PDE11A: variants seen among roughly 807,000 people sequenced by gnomAD.
PDE11A encodes phosphodiesterase 11A.
A neutral mutation model predicts 100.5 loss-of-function variants in PDE11A; 100 were observed. The ratio of observed to expected loss-of-function variants is 1.00; its 90% confidence interval spans 0.85 to 1.18. The LOEUF is 1.18. Ranked by LOEUF, PDE11A falls within the 50% of genes most tolerant of loss-of-function variation. PDE11A has a pLI of 0.00. For synonymous variants in PDE11A, 381 were observed against 420.8 expected, an observed-to-expected ratio of 0.91 and a Z score of 1.16; for missense variants, 1,141 against 1,152.6, an observed-to-expected ratio of 0.99 and a Z score of 0.15.
chr2:177,864,937 A>G (rs1267993519), intron 5 of PDE11A, among the ~76,000 whole-genome samples: 3 of 152,142 alleles, frequency 2.0e-5, no homozygotes, highest in South Asian at 2.1e-4. Context: ...TTAGGCTTAG[A>G]ATTCTGAGCC....
chr2:177,805,682 G>A (rs1353878597), intron 9 of PDE11A, among the ~76,000 whole-genome samples: 2 of 152,080 alleles, frequency 1.3e-5, no homozygotes, highest in Non-Finnish European at 2.9e-5. Context: ...CTAAAAATAT[G>A]TTTATATTCC....
intron 9 of PDE11A, among the ~76,000 whole-genome samples, chr2:177,796,783 G>T (rs905354738): frequency 7.9e-5 from 12 of 152,130 alleles, no homozygotes; most frequent in Non-Finnish European, 1.5e-4. Context: ...GCAGGCAAAG[G>T]CATGGCTGTT....
chr2:177,654,145 T>A (rs980721574), intron 19 of PDE11A, among the ~76,000 whole-genome samples: 1 of 152,344 alleles, frequency 6.6e-6, no homozygotes, highest in East Asian at 1.9e-4. Flanking sequence ...TTCAGAATTA[T>A]CTCTATTAGG....
chr2:177,873,292 G>C (rs2084173099), intron 5 of PDE11A, among the ~76,000 whole-genome samples: 2 of 152,084 alleles, frequency 1.3e-5, no homozygotes, highest in Non-Finnish European at 2.9e-5. Flanking sequence ...TAACTTATAT[G>C]AGGTCATGAA....
At chr2:177,977,771 C>A (rs2085828984) in intron 2 of PDE11A, among the ~76,000 whole-genome samples, 1 of 146,752 alleles carries the variant, frequency 6.8e-6, no homozygotes, top group Non-Finnish European at 1.5e-5. Flanking sequence ...AATAATGCCG[C>A]ATATCTACAA....
At chr2:178,027,024 T>A (rs532049838) in intron 1 of PDE11A, among the ~76,000 whole-genome samples, 1 of 152,298 alleles carries the variant, frequency 6.6e-6, no homozygotes, top group South Asian at 2.1e-4. Flanking sequence ...GTATTAATCA[T>A]TTAAGATGCC....
rs1231114030 is a variant in PDE11A at position 177,989,387 on chromosome 2, C to T, written c.1071+24915G>A. Reference sequence around the variant, plus strand: ...CCCAGAGTCAAATCTTTCTATCATACTCAGAGGCGAGCTACAAATAAGAAA... The same window carrying T: ...CCCAGAGTCAAATCTTTCTATCATATTCAGAGGCGAGCTACAAATAAGAAA... On this transcript the variant is annotated intron_variant, in intron 2 of 19. Transcript: ENST00000286063. 2.6e-5 allele frequency among the ~76,000 whole-genome samples: 4 copies of T among 152,186 alleles called. No homozygotes were observed. In the East Asian group the frequency reaches 7.7e-4, roughly 29 times the overall value.
intron 19 of PDE11A, among the ~76,000 whole-genome samples, chr2:177,640,256 C>T (rs1043060499): frequency 8.5e-5 from 13 of 152,150 alleles, no homozygotes; most frequent in African/African-American, 2.7e-4. Context: ...TTTGAGGCAG[C>T]GTATTCCTGT....
chr2:177,806,936 A>C (rs1017171621), intron 9 of PDE11A, among the ~76,000 whole-genome samples: 2 of 152,134 alleles, frequency 1.3e-5, no homozygotes, highest in African/African-American at 4.8e-5. Context: ...GGCCAATATC[A>C]TTTGATTCAA....
chr2:177,690,201 A>G (rs544027060), intron 15 of PDE11A, among the ~76,000 whole-genome samples: 129 of 152,362 alleles, frequency 8.5e-4, no homozygotes, highest in African/African-American at 3.0e-3. Context: ...TCCTCCATCA[A>G]CCTACTACAG....
intron 2 of PDE11A, among the ~76,000 whole-genome samples, chr2:177,950,108 T>C (rs1015797189): frequency 6.6e-6 from 1 of 152,228 alleles, no homozygotes; most frequent in Non-Finnish European, 1.5e-5. Flanking sequence ...CAACAGCTAC[T>C]TTCTTCTGAC....
At chr2:177,849,789 C>A (rs199571466) in intron 5 of PDE11A, among the ~76,000 whole-genome samples, 58 of 143,462 alleles carry the variant, frequency 4.0e-4, no homozygotes, top group East Asian at 6.0e-4. Flanking sequence ...GACTCCATCT[C>A]AAAAAAAAAA....
intron 19 of PDE11A, among the ~76,000 whole-genome samples, chr2:177,637,722 C>T (rs1294206604): frequency 6.6e-6 from 1 of 150,808 alleles, no homozygotes; most frequent in African/African-American, 2.4e-5. Flanking sequence ...TCTTTTCCCT[C>T]TGGGACTCTA....
intron 10 of PDE11A, among the ~76,000 whole-genome samples, chr2:177,729,511 G>A (rs528961715): frequency 2.0e-5 from 3 of 152,194 alleles, no homozygotes; most frequent in African/African-American, 7.2e-5. Flanking sequence ...TCCTCTAACA[G>A]ATTCCCAAGA....
Position 177,922,421 on chromosome 2 carries a change from A to T in PDE11A, c.1072-17234T>A, listed in dbSNP as rs531378548. ...CTGCACATTGTGTACAGGTACCCTAAAACTTAAAGTATAATAATAATAAAA... is the reference window on the plus strand; with the variant it reads ...CTGCACATTGTGTACAGGTACCCTATAACTTAAAGTATAATAATAATAAAA... On this transcript the variant is annotated intron_variant, in intron 2 of 19. Transcript: ENST00000286063. Among the ~76,000 whole-genome samples, 687 of 152,252 alleles carry T rather than the reference A, an allele frequency of 4.5e-3. 3 individuals carry two copies. Among genetic ancestry groups the T allele is most frequent in the African/African-American group, 0.016 (664 of 41,580 alleles).
chr2:177,926,886 T>A (rs755163506), intron 2 of PDE11A: 2 of 152,204 alleles, frequency 1.3e-5, no homozygotes, highest in Non-Finnish European at 2.9e-5. Flanking sequence ...CAAATCCTAA[T>A]CAATGATTAC....
intron 5 of PDE11A, among the ~76,000 whole-genome samples, chr2:177,865,809 T>A (rs1414769858): frequency 1.3e-5 from 2 of 152,118 alleles, no homozygotes; most frequent in Admixed American, 1.3e-4. Flanking sequence ...ACAAATCCAT[T>A]GAGGCAGAAA....
At chr2:177,638,386 T>C (rs2080085565) in intron 19 of PDE11A, among the ~76,000 whole-genome samples, 1 of 152,156 alleles carries the variant, frequency 6.6e-6, no homozygotes, top group African/African-American at 2.4e-5. Flanking sequence ...GACCCCTTAA[T>C]CATGCTCAAT....
intron 2 of PDE11A, among the ~76,000 whole-genome samples, chr2:178,078,506 G>T (rs141325181): frequency 3.9e-5 from 6 of 151,998 alleles, no homozygotes; most frequent in African/African-American, 7.3e-5. Flanking sequence ...TATCTAGAAG[G>T]TAAGTCTTTA....
Sources: allele counts gnomAD v4.1 joint callset (sites outside exome capture counted in the v4.1 genomes callset), GRCh38; gene constraint gnomAD v4.1.1; transcripts MANE v1.5; gene names NCBI Gene and HGNC (gene_info 2026-07-23, HGNC 2026-07-21).